The following TFAP2D variants were observed in gnomAD, a reference collection of about 807,000 sequenced individuals.
TFAP2D encodes the protein transcription factor AP-2-delta.
A neutral mutation model predicts 43.6 loss-of-function variants in TFAP2D; 9 were observed. The ratio of observed to expected loss-of-function variants is 0.21; its 90% CI spans 0.12 to 0.36. The LOEUF (loss-of-function observed/expected upper bound fraction) is 0.36, where lower values mean the gene tolerates loss of function less well. TFAP2D is among the 10% of genes least tolerant of loss of function. TFAP2D has a pLI of 1.00. For synonymous variants in TFAP2D, 256 were observed against 224.9 expected (o/e 1.14, Z -1.24); for missense variants, 513 against 561.4 (o/e 0.91, Z 0.87).
At chr6:50,725,899 G>A (rs1443146418) in intron 3 of TFAP2D, among the ~76,000 whole-genome samples, 1 of 152,178 alleles carries the variant, frequency 6.6e-6, no homozygotes, top group Non-Finnish European at 1.5e-5. Flanking sequence ...CAAGGTTGCA[G>A]CAATGCCAGG....
chr6:50,715,649 C>A (rs865982643), intron 2 of TFAP2D, 36 bp downstream of exon 2: 8 of 1,543,822 alleles, frequency 5.2e-6, no homozygotes, highest in Middle Eastern at 1.7e-4. Context: ...CTGCTCCCTC[C>A]CCTCTTCGCC....
At chr6:50,735,210 G>A (rs1748250369) in intron 5 of TFAP2D, among the ~76,000 whole-genome samples, 1 of 152,040 alleles carries the variant, frequency 6.6e-6, no homozygotes, top group Admixed American at 6.6e-5. Flanking sequence ...TTATACAATT[G>A]GGTGCAGCAA....
intron 7 of TFAP2D, among the ~76,000 whole-genome samples, chr6:50,755,406 T>C (rs1486809357): frequency 6.8e-6 from 1 of 148,094 alleles, no homozygotes; most frequent in Non-Finnish European, 1.5e-5. Flanking sequence ...CCTGGCTTTA[T>C]ATCAGAATCG....
intron 5 of TFAP2D, among the ~76,000 whole-genome samples, chr6:50,737,393 A>G (rs2114044164): frequency 6.6e-6 from 1 of 152,342 alleles, no homozygotes; most frequent in Admixed American, 6.5e-5. Flanking sequence ...CATCTACAAT[A>G]AACATTTGAG....
In TFAP2D at chr6:50,729,262, C is replaced by G. The variant is rs1768850060; in HGVS notation, c.833C>G (p.Ala278Gly). The G allele has an allele frequency of 6.2e-7, 1 of 1,613,866 alleles. No individual in the cohort carries two copies. The highest frequency in any genetic ancestry group is 8.5e-7 in the Non-Finnish European group (1 of 1,179,866). ...KLDRLGLNLP[A>G]GRRKAANVTL... ...GATAGGCTTGGCTTAAACTTACCAG[C>G]AGGAAGACGGAAAGCAGCTAATGTC... Residue 278 changes from alanine (A) to glycine (G), a missense_variant, in exon 5 of 8, where the codon GCA (alanine) becomes GGA (glycine). Ala to Gly is a moderately conservative substitution (Grantham distance 60). Transcript: ENST00000008391.
chr6:50,720,248 G>T (rs1768696607), intron 3 of TFAP2D, among the ~76,000 whole-genome samples: 1 of 152,126 alleles, frequency 6.6e-6, no homozygotes, highest in South Asian at 2.1e-4. Context: ...AAAGCTTCTT[G>T]AAAGATTTGC....
intron 5 of TFAP2D, among the ~76,000 whole-genome samples, chr6:50,730,306 C>A (rs1478828527): frequency 1.3e-5 from 2 of 152,106 alleles, no homozygotes; most frequent in Non-Finnish European, 2.9e-5. Flanking sequence ...TGATTTTGCT[C>A]TTAACAGCCA....
At position 50,719,662 on chromosome 6, in the gene TFAP2D, C is replaced by G. The variant is rs76024148; in HGVS notation, c.598+512C>G. Among the ~76,000 whole-genome samples, 334 of 152,276 alleles carry G rather than the reference C, an allele frequency of 2.2e-3. 2 individuals carry two copies. Among genetic ancestry groups the G allele is most frequent in the Non-Finnish European group, 3.5e-3 (236 of 68,024 alleles). On this transcript the variant is annotated intron_variant, in intron 3 of 7. Transcript: ENST00000008391. ...TCTGTGAAAGGCTAGATCATTGAGG[C>G]TTCAGGGGAGGCTAATGAAACACCA...
intron 3 of TFAP2D, among the ~76,000 whole-genome samples, chr6:50,719,497 GAA>G (rs1768685524): frequency 7.6e-6 from 1 of 131,822 alleles, no homozygotes; most frequent in African/African-American, 2.7e-5. Context: ...AAGAAAGAAA[GAA>G]AGAAGTTTCT....
At chr6:50,751,593 G>C (rs951436352) in intron 7 of TFAP2D, among the ~76,000 whole-genome samples, 3 of 151,830 alleles carry the variant, frequency 2.0e-5, no homozygotes, top group Non-Finnish European at 4.4e-5. Flanking sequence ...AGATGGCACC[G>C]TCTCCATTTT....
chr6:50,729,093 G>T, intron 4 of TFAP2D, 72 bp downstream of exon 4: 1 of 1,603,056 alleles, frequency 6.2e-7, no homozygotes, highest in Non-Finnish European at 8.5e-7. Flanking sequence ...TAGTCATGAT[G>T]TCTTCCATCT....
At chr6:50,729,752 C>T (rs1768859393) in intron 5 of TFAP2D, among the ~76,000 whole-genome samples, 1 of 152,088 alleles carries the variant, frequency 6.6e-6, no homozygotes, top group Admixed American at 6.6e-5. Context: ...AGCCTGAAAG[C>T]ATATTGTATT....
intron 5 of TFAP2D, among the ~76,000 whole-genome samples, chr6:50,742,623 TA>T (rs554003016): frequency 1.4e-5 from 2 of 142,396 alleles, no homozygotes; most frequent in African/African-American, 2.6e-5. Flanking sequence ...GATAGATAGA[TA>T]GATAGATGAT....
At position 50,745,127 on chromosome 6, in the gene TFAP2D, C is replaced by A. The variant is rs759486102; in HGVS notation, c.904C>A (p.Arg302=). ...AACAGGGGAGGCTTTGCACTTGGCT[C>A]GGGATTTTGGCTACACTTGTGAAAC... The part of the protein sequence containing the change: ...LVEGEALHLA[R]DFGYTCETEF... Residue 302 remains arginine (R), a synonymous_variant, in exon 6 of 8, where the codon CGG becomes AGG. Transcript: ENST00000008391. 10 of 1,613,364 alleles carry A rather than the reference C, an allele frequency of 6.2e-6. No individual in the cohort carries two copies. Among genetic ancestry groups the A allele is most frequent in the Non-Finnish European group, 8.5e-6 (10 of 1,179,736 alleles).
chr6:50,730,266 T>C (rs1338814298), intron 5 of TFAP2D, among the ~76,000 whole-genome samples: 1 of 152,208 alleles, frequency 6.6e-6, no homozygotes, highest in Admixed American at 6.5e-5. Flanking sequence ...TAGTGTGTTC[T>C]TGACATTTGT....
At position 50,715,665 on chromosome 6, in the gene TFAP2D, C is replaced by T. The variant is rs759329409; in HGVS notation, c.537+52C>T. On this transcript the variant is annotated intron_variant, in intron 2 of 7. Transcript: ENST00000008391. The stretch of plus-strand genomic sequence containing the variant: ...TGCTCCCTCCCCTCTTCGCCCTCCC[C>T]CTGCCGCCCCATTAATGCTCCGACT... 2.6e-6 allele frequency: 4 copies of T among 1,530,108 alleles called. No homozygotes were observed. The East Asian group carries it at 6.8e-5, about 26-fold the overall frequency. 94.8% of individuals were successfully genotyped at this position (1,530,108 alleles called of 1,614,324 possible). A position where few individuals can be genotyped will look rare whatever the true frequency, so the allele number is the denominator to read the frequency against.
At chr6:50,753,114 T>G (rs964040927) in intron 7 of TFAP2D, among the ~76,000 whole-genome samples, 1 of 151,950 alleles carries the variant, frequency 6.6e-6, no homozygotes, top group Non-Finnish European at 1.5e-5. Flanking sequence ...GGATTTATAA[T>G]TTTTACAAAA....
At chr6:50,729,913 C>CT (rs1328635933) in intron 5 of TFAP2D, among the ~76,000 whole-genome samples, 18 of 152,146 alleles carry the variant, frequency 1.2e-4, no homozygotes, top group Admixed American at 1.2e-3. Flanking sequence ...TTATTTCCAA[C>CT]TTACCTCTTT....
At position 50,747,913 on chromosome 6, in the gene TFAP2D, A is replaced by G. The variant is rs567869223; in HGVS notation, c.1025+2665A>G. ...TTCATTAAACATTGTGAGAACATGT[A>G]ATTTTATTTTATCTGTCTGCTCATA... is the stretch of plus-strand genomic sequence containing the variant. On this transcript the variant is annotated intron_variant, in intron 6 of 7. Coordinates refer to ENST00000008391, the MANE Select transcript of TFAP2D (RefSeq NM_172238.4). Among the ~76,000 whole-genome samples the G allele has an allele frequency of 3.3e-5, 5 of 152,214 alleles. No homozygotes were observed. In the East Asian group the frequency reaches 5.8e-4, roughly 18 times the overall value.
Sources: allele counts gnomAD v4.1 joint callset (sites outside exome capture counted in the v4.1 genomes callset), GRCh38; gene constraint gnomAD v4.1.1; transcripts MANE v1.5; gene names NCBI Gene and HGNC (gene_info 2026-07-23, HGNC 2026-07-21).